The following KDM4C variants were observed in gnomAD, a reference collection of about 807,000 sequenced individuals.
KDM4C encodes the protein lysine demethylase 4C.
Under a neutral mutation model 129.3 loss-of-function variants are expected in KDM4C, and 81 were observed. That is an observed-to-expected ratio of 0.63 (90% confidence interval 0.52 to 0.75). KDM4C has a LOEUF of 0.75. Ranked by LOEUF, KDM4C falls within the 30% of genes least tolerant of loss-of-function variation. The pLI is 0.00. For synonymous variants in KDM4C, 573 were observed against 456.1 expected (o/e 1.26, Z -3.26); for missense variants, 1,457 against 1,304.0 (o/e 1.12, Z -1.81).
At chr9:6,922,049 C>G (rs560684606) in intron 8 of KDM4C, among the ~76,000 whole-genome samples, 9 of 152,184 alleles carry the variant, frequency 5.9e-5, no homozygotes, top group Non-Finnish European at 1.2e-4. Flanking sequence ...TTGCCTTATT[C>G]ACACCTGTAT....
At chr9:6,796,886 A>G (rs1009301723) in intron 2 of KDM4C, among the ~76,000 whole-genome samples, 1 of 152,178 alleles carries the variant, frequency 6.6e-6, no homozygotes, top group Non-Finnish European at 1.5e-5. Flanking sequence ...ACTGTACCGA[A>G]TCAAATCATA....
At chr9:7,116,645 T>G (rs796270994) in intron 18 of KDM4C, among the ~76,000 whole-genome samples, 1 of 152,232 alleles carries the variant, frequency 6.6e-6, no homozygotes, top group Non-Finnish European at 1.5e-5. Flanking sequence ...TTAAACAGTT[T>G]GTGGATTTAT....
intron 8 of KDM4C, among the ~76,000 whole-genome samples, chr9:6,909,775 C>T (rs1355147786): frequency 6.6e-6 from 1 of 152,106 alleles, no homozygotes; most frequent in Non-Finnish European, 1.5e-5. Context: ...ATTTGGATTT[C>T]TGTCCCGCTA....
At chr9:6,744,007 C>T (rs1459283686) in intron 1 of KDM4C, among the ~76,000 whole-genome samples, 1 of 145,684 alleles carries the variant, frequency 6.9e-6, no homozygotes, top group Non-Finnish European at 1.5e-5. Flanking sequence ...CTTGGCCTCC[C>T]AAATTATTGG....
chr9:6,982,875 C>G (rs376732566), intron 9 of KDM4C: 1 of 152,160 alleles, frequency 6.6e-6, no homozygotes, highest in African/African-American at 2.4e-5. Context: ...ACTTGCTCAC[C>G]TACTTAGAAA....
intron 19 of KDM4C, among the ~76,000 whole-genome samples, chr9:7,161,839 C>T (rs1843831393): frequency 6.6e-6 from 1 of 152,248 alleles, no homozygotes; most frequent in African/African-American, 2.4e-5. Context: ...CATCAGCTCA[C>T]ATGCTTCTAG....
chr9:7,100,539 C>T (rs993938774), intron 17 of KDM4C, among the ~76,000 whole-genome samples: 4 of 152,008 alleles, frequency 2.6e-5, no homozygotes, highest in South Asian at 2.1e-4. Context: ...GGGGTTTTGC[C>T]GTGTTGGCCA....
chr9:7,066,614 T>C lies in KDM4C; in HGVS notation c.2424+17414T>C, dbSNP rs113509484. The stretch of plus-strand genomic sequence containing the variant: ...ATCAAAATTTTAATTTTTATAGTGG[T>C]ATTTGTTAACATAAAATTTTAAATT... On this transcript the variant is annotated intron_variant, in intron 17 of 21. Transcript: ENST00000381309. 6.7e-3 allele frequency among the ~76,000 whole-genome samples: 1,024 copies of C among 152,346 alleles called. 11 individuals are homozygous for C. Among genetic ancestry groups the C allele is most frequent in the African/African-American group, 0.023 (954 of 41,586 alleles).
chr9:6,814,426 A>G (rs1211225015), intron 3 of KDM4C, among the ~76,000 whole-genome samples: 4 of 152,164 alleles, frequency 2.6e-5, no homozygotes, highest in Admixed American at 2.6e-4. Context: ...AATAAAATGT[A>G]AAGTAATATT....
At chr9:7,006,554 A>G (rs1821708776) in intron 12 of KDM4C, among the ~76,000 whole-genome samples, 1 of 152,078 alleles carries the variant, frequency 6.6e-6, no homozygotes, top group African/African-American at 2.4e-5. Context: ...ACACCTTGGA[A>G]AGGCTGAGAA....
At chr9:6,898,040 G>A (rs932619783) in intron 8 of KDM4C, among the ~76,000 whole-genome samples, 2 of 152,088 alleles carry the variant, frequency 1.3e-5, no homozygotes, top group African/African-American at 4.8e-5. Context: ...GGATCAAAGC[G>A]CCGGCCGGCA....
intron 8 of KDM4C, among the ~76,000 whole-genome samples, chr9:6,895,882 A>G (rs1460283653): frequency 6.6e-6 from 1 of 152,242 alleles, no homozygotes; most frequent in Non-Finnish European, 1.5e-5. Context: ...CTTAATTTAT[A>G]CCATCAATAC....
At chr9:6,916,505 C>T (rs1247769091) in intron 8 of KDM4C, among the ~76,000 whole-genome samples, 1 of 152,132 alleles carries the variant, frequency 6.6e-6, no homozygotes, top group Non-Finnish European at 1.5e-5. Flanking sequence ...AGTGATCCTC[C>T]TGCATTGGCC....
At chr9:7,064,605 G>A (rs930112093) in intron 17 of KDM4C, among the ~76,000 whole-genome samples, 3 of 152,206 alleles carry the variant, frequency 2.0e-5, no homozygotes, top group Non-Finnish European at 4.4e-5. Context: ...GTCCTGCAAC[G>A]TGCAAGGCTC....
rs904958515 is a variant in KDM4C, at chr9:6,899,958, T to C, written c.921+6726T>C. Among the ~76,000 whole-genome samples, 100 of 152,202 alleles carry C rather than the reference T, an allele frequency of 6.6e-4. 5 individuals carry two copies. Reference sequence around the variant, plus strand: ...GTCAGTACCTTAAAAGAAAGTAAATTTGCCTTTTGAATAACTTCTATACTC... The same window carrying C: ...GTCAGTACCTTAAAAGAAAGTAAATCTGCCTTTTGAATAACTTCTATACTC... On this transcript the variant is annotated intron_variant, in intron 8 of 21. Transcript: ENST00000381309.
At chr9:6,952,914 G>T (rs570944100) in intron 8 of KDM4C, among the ~76,000 whole-genome samples, 1 of 152,178 alleles carries the variant, frequency 6.6e-6, no homozygotes, top group Non-Finnish European at 1.5e-5. Context: ...ACGGTTTGCA[G>T]TCGGGGGAGG....
intron 8 of KDM4C, among the ~76,000 whole-genome samples, chr9:6,910,396 T>G (rs1257893079): frequency 6.6e-6 from 1 of 152,218 alleles, no homozygotes; most frequent in African/African-American, 2.4e-5. Flanking sequence ...TACCCCCATC[T>G]TATTAGAGAA....
intron 5 of KDM4C, among the ~76,000 whole-genome samples, chr9:6,858,766 T>C (rs1173795340): frequency 6.9e-6 from 1 of 144,900 alleles, no homozygotes. Context: ...AGTGATTTTG[T>C]CTCCCCCCCC....
intron 12 of KDM4C, among the ~76,000 whole-genome samples, chr9:7,008,097 C>T (rs1019511434): frequency 1.3e-5 from 2 of 152,100 alleles, no homozygotes; most frequent in African/African-American, 4.8e-5. Context: ...TTTGCATTAC[C>T]TGTATTACCA....
Sources: allele counts gnomAD v4.1 joint callset (sites outside exome capture counted in the v4.1 genomes callset), GRCh38; gene constraint gnomAD v4.1.1; transcripts MANE v1.5; gene names NCBI Gene and HGNC (gene_info 2026-07-23, HGNC 2026-07-21).